The following FRMPD4 variants were observed in gnomAD, a reference collection of about 807,000 sequenced individuals.
FRMPD4 encodes FERM and PDZ domain containing 4.
In FRMPD4, 22 loss-of-function variants were observed where a neutral mutation model predicts 94.1. The observed-to-expected ratio is 0.23, with a 90% CI of 0.17 to 0.33. The LOEUF is 0.33. Among genes scored for constraint, FRMPD4 ranks in the 10% least tolerant of loss-of-function variants. The pLI, the probability that FRMPD4 is intolerant of heterozygous loss-of-function variation, is 1.00. For missense variants in FRMPD4, 1,111 were observed against 1,339.9 expected (o/e 0.83, Z 2.67); for synonymous variants, 631 against 548.6 (o/e 1.15, Z -2.10).
chrX:12,157,127 A>T (rs2055948138), intron 1 of FRMPD4, among the ~76,000 whole-genome samples: 1 of 112,231 alleles, frequency 8.9e-6, no homozygotes, highest in African/African-American at 3.2e-5. Flanking sequence ...GCATGCACCC[A>T]CATGCACAAT....
At chrX:11,945,296 G>C (rs866234473) in intron 3 of FRMPD4, among the ~76,000 whole-genome samples, 9 of 111,974 alleles carry the variant, frequency 8.0e-5, no homozygotes, top group African/African-American at 2.9e-4. Flanking sequence ...TAGAACATAA[G>C]ATTTTTTAAA....
chrX:12,515,816 T>C (rs760827001), intron 2 of FRMPD4, among the ~76,000 whole-genome samples: 145 of 111,669 alleles, frequency 1.3e-3, no homozygotes, highest in Non-Finnish European at 2.0e-3. Flanking sequence ...CCCACTATTA[T>C]TGTGTGGCAG....
intron 1 of FRMPD4, among the ~76,000 whole-genome samples, chrX:12,483,451 T>A (rs2057709388): frequency 8.9e-6 from 1 of 112,278 alleles, no homozygotes; most frequent in Non-Finnish European, 1.9e-5. Context: ...ATCAAAACTT[T>A]ATGGATCCCA....
At chrX:12,516,213 T>C (rs1315789267) in intron 2 of FRMPD4, among the ~76,000 whole-genome samples, 1 of 112,001 alleles carries the variant, frequency 8.9e-6, no homozygotes, top group East Asian at 2.8e-4. Flanking sequence ...AGGTTAATAT[T>C]GTTATGTGTG....
At chrX:12,178,519 CT>C (rs113943121) in intron 1 of FRMPD4, among the ~76,000 whole-genome samples, 14,681 of 110,819 alleles carry the variant, frequency 0.13, 1,108 homozygotes, top group African/African-American at 0.27. Flanking sequence ...TCTTGCTTTG[CT>C]TTTTTCTCCC....
At chrX:12,444,045 G>GT (rs1160731756) in intron 1 of FRMPD4, among the ~76,000 whole-genome samples, 2 of 111,053 alleles carry the variant, frequency 1.8e-5, no homozygotes, top group East Asian at 5.6e-4. Flanking sequence ...GTTCCTTCAG[G>GT]TCTTGACAGC....
At chrX:12,556,147 G>T (rs1449569649) in intron 2 of FRMPD4, among the ~76,000 whole-genome samples, 2 of 110,731 alleles carry the variant, frequency 1.8e-5, no homozygotes, top group East Asian at 2.8e-4. Context: ...CTTGATCCTG[G>T]TATAAATACC....
chrX:12,530,745 G>A (rs2058276543), intron 2 of FRMPD4, among the ~76,000 whole-genome samples: 1 of 111,725 alleles, frequency 9.0e-6, no homozygotes, highest in African/African-American at 3.3e-5. Context: ...TCTCTTAAAA[G>A]AAGGACCATA....
intron 1 of FRMPD4, among the ~76,000 whole-genome samples, chrX:11,832,389 A>C (rs1329718536): frequency 8.9e-6 from 1 of 111,794 alleles, no homozygotes; most frequent in Admixed American, 9.5e-5. Context: ...AAGAGGCACC[A>C]AATTTCCATT....
At chrX:12,683,841 A>G (rs760210714) in intron 6 of FRMPD4, among the ~76,000 whole-genome samples, 5 of 112,228 alleles carry the variant, frequency 4.5e-5, no homozygotes, top group Non-Finnish European at 9.4e-5. Context: ...AGACATCACT[A>G]CTTTGCAAAG....
chrX:12,239,696 A>T (rs944974547), intron 1 of FRMPD4, among the ~76,000 whole-genome samples: 2 of 111,812 alleles, frequency 1.8e-5, no homozygotes, highest in Non-Finnish European at 3.8e-5. Flanking sequence ...TGGCTTGTAA[A>T]CAACAAACAG....
Position 12,040,912 on chromosome X carries a change from T to C in FRMPD4, c.95+162894T>C, listed in dbSNP as rs1041095450. On this transcript the variant is annotated intron_variant, in intron 3 of 18. Coordinates refer to the FRMPD4 transcript ENST00000640291. Reference sequence around the variant, plus strand: ...ATTGCTCCTTTACTGCTTTCTTTTGTATTAAATATGTTTTGGTGCTTTGTT... The same window carrying C: ...ATTGCTCCTTTACTGCTTTCTTTTGCATTAAATATGTTTTGGTGCTTTGTT... Among the ~76,000 whole-genome samples the C allele has an allele frequency of 1.2e-4, 13 of 111,254 alleles. No individual in the cohort carries two copies. In the Admixed American group the frequency reaches 1.2e-3, roughly 11 times the overall value.
intron 2 of FRMPD4, among the ~76,000 whole-genome samples, chrX:12,562,902 A>T (rs1040162852): frequency 2.7e-5 from 3 of 112,356 alleles, no homozygotes; most frequent in Non-Finnish European, 3.8e-5. Flanking sequence ...CTCCTGCCTC[A>T]GCCTCCCAAA....
chrX:12,650,954 C>T (rs1236113593), intron 4 of FRMPD4, among the ~76,000 whole-genome samples: 1 of 112,796 alleles, frequency 8.9e-6, no homozygotes, highest in African/African-American at 3.2e-5. Flanking sequence ...CAGGTACCCG[C>T]CTTTGCAGGC....
intron 1 of FRMPD4, among the ~76,000 whole-genome samples, chrX:12,253,242 A>T (rs1425065656): frequency 2.7e-5 from 3 of 112,125 alleles, no homozygotes; most frequent in Non-Finnish European, 3.8e-5. Flanking sequence ...CAGAGGATGC[A>T]CCTCTTCCAG....
At chrX:12,258,134 G>A (rs182279925) in intron 1 of FRMPD4, among the ~76,000 whole-genome samples, 10 of 110,262 alleles carry the variant, frequency 9.1e-5, no homozygotes, top group South Asian at 4.0e-4. Flanking sequence ...TATATATTCC[G>A]AATTTGCTTT....
intron 3 of FRMPD4, among the ~76,000 whole-genome samples, chrX:12,127,354 C>G (rs1185134858): frequency 9.0e-6 from 1 of 111,592 alleles, no homozygotes; most frequent in Non-Finnish European, 1.9e-5. Flanking sequence ...AAGGGGGAAG[C>G]AAACACATCC....
intron 3 of FRMPD4, among the ~76,000 whole-genome samples, chrX:12,076,336 GTGTGTGTGTGTGTGTGTGTGTA>G (rs2055015870): frequency 9.2e-6 from 1 of 108,504 alleles, no homozygotes; most frequent in Admixed American, 1.0e-4. Flanking sequence ...ACGTGTGTGT[GTGTGTGTGTGTGTGTGTGTGTA>G]TGTGTGTGTG....
intron 1 of FRMPD4, among the ~76,000 whole-genome samples, chrX:12,272,452 G>A (rs1392186768): frequency 9.0e-6 from 1 of 111,680 alleles, no homozygotes; most frequent in Non-Finnish European, 1.9e-5. Context: ...GGCTGAGAGT[G>A]AAGATTGGAA....
Sources: allele counts gnomAD v4.1 joint callset (sites outside exome capture counted in the v4.1 genomes callset), GRCh38; gene constraint gnomAD v4.1.1; transcripts MANE v1.5; gene names NCBI Gene and HGNC (gene_info 2026-07-23, HGNC 2026-07-21).